The following RPS6KA6 variants were observed in gnomAD, a reference collection of about 807,000 sequenced individuals.
The protein encoded by RPS6KA6 is ribosomal protein S6 kinase alpha-6.
Under a neutral mutation model 65.4 loss-of-function variants are expected in RPS6KA6, and 27 were observed. The observed-to-expected ratio is 0.41, with a 90% confidence interval of 0.30 to 0.57. The LOEUF (loss-of-function observed/expected upper bound fraction) is 0.57. Among genes scored for constraint, RPS6KA6 ranks in the 20% least tolerant of loss-of-function variants. The pLI is 0.24. For missense variants in RPS6KA6, 486 were observed against 555.6 expected, an observed-to-expected ratio of 0.87 and a Z score of 1.26; for synonymous variants, 190 against 184.2, an observed-to-expected ratio of 1.03 and a Z score of -0.26.
chrX:84,148,889 T>C (rs1163346626), intron 3 of RPS6KA6, among the ~76,000 whole-genome samples: 2 of 111,183 alleles, frequency 1.8e-5, no homozygotes, highest in African/African-American at 6.5e-5. Flanking sequence ...ATGAAGTTTG[T>C]TGCACAGATT....
At chrX:84,176,618 C>T (rs535355424) in intron 1 of RPS6KA6, among the ~76,000 whole-genome samples, 3 of 111,680 alleles carry the variant, frequency 2.7e-5, no homozygotes, top group African/African-American at 6.5e-5. Flanking sequence ...AATTGTGTTA[C>T]TTCTCAAAAT....
At chrX:84,182,227 A>T (rs1373077794) in intron 1 of RPS6KA6, among the ~76,000 whole-genome samples, 1 of 111,117 alleles carries the variant, frequency 9.0e-6, no homozygotes, top group Non-Finnish European at 1.9e-5. Flanking sequence ...GATTTAGCTC[A>T]GCTCTCTAAA....
Position 84,121,819 on chromosome X carries a change from T to C in RPS6KA6, c.647-1792A>G, listed in dbSNP as rs181789431. Among the ~76,000 whole-genome samples the C allele has an allele frequency of 1.1e-4, 12 of 112,530 alleles. 1 individual carries two copies. Among genetic ancestry groups the C allele is most frequent in the Admixed American group, 7.5e-4 (8 of 10,668 alleles). On this transcript the variant is annotated intron_variant, in intron 8 of 21. Coordinates refer to ENST00000262752, the MANE Select transcript of RPS6KA6 (RefSeq NM_014496.5). Reference sequence around the variant, plus strand: ...TTTACAAAAAAGAAAATAGAAATTCTTTGTGATCTTGGGTTAGACAAGGAT... The same window carrying C: ...TTTACAAAAAAGAAAATAGAAATTCCTTGTGATCTTGGGTTAGACAAGGAT...
At chrX:84,086,406 A>G (rs776358223) in intron 20 of RPS6KA6, among the ~76,000 whole-genome samples, 1 of 111,828 alleles carries the variant, frequency 8.9e-6, no homozygotes, top group Non-Finnish European at 1.9e-5. Context: ...CCTTAATTTC[A>G]TTATTTATCC....
intron 1 of RPS6KA6, among the ~76,000 whole-genome samples, chrX:84,174,330 T>C (rs191855348): frequency 4.4e-4 from 49 of 112,131 alleles, no homozygotes; most frequent in African/African-American, 1.4e-3. Flanking sequence ...AATATTCTTG[T>C]AGTTTGTACC....
intron 20 of RPS6KA6, among the ~76,000 whole-genome samples, chrX:84,073,637 G>A (rs1300489865): frequency 9.0e-6 from 1 of 110,553 alleles, no homozygotes; most frequent in African/African-American, 3.3e-5. Flanking sequence ...TCTGAAAAGG[G>A]ATTAATATCC....
chrX:84,151,009 A>C (rs1375359428), intron 3 of RPS6KA6, among the ~76,000 whole-genome samples: 2 of 59,106 alleles, frequency 3.4e-5, no homozygotes, highest in Non-Finnish European at 7.7e-5. Context: ...TATAGAGAGG[A>C]TATATAGAGA....
intron 8 of RPS6KA6, among the ~76,000 whole-genome samples, chrX:84,123,550 A>T (rs751003631): frequency 1.8e-5 from 2 of 112,583 alleles, no homozygotes; most frequent in African/African-American, 3.2e-5. Context: ...GGCCTGGCAG[A>T]ACCCCTGCTA....
chrX:84,179,748 T>G (rs752707696), intron 1 of RPS6KA6, among the ~76,000 whole-genome samples: 1 of 111,738 alleles, frequency 8.9e-6, no homozygotes, highest in Non-Finnish European at 1.9e-5. Context: ...TCTCCATCTG[T>G]AAAATAAAGT....
intron 20 of RPS6KA6, among the ~76,000 whole-genome samples, chrX:84,074,982 C>T (rs963948123): frequency 1.8e-5 from 2 of 111,981 alleles, no homozygotes; most frequent in Non-Finnish European, 3.8e-5. Flanking sequence ...CGCCTGTAAT[C>T]GCAGCACTTT....
At chrX:84,085,401 ATGAAG>A (rs776326021) in intron 20 of RPS6KA6, among the ~76,000 whole-genome samples, 1 of 111,855 alleles carries the variant, frequency 8.9e-6, no homozygotes, top group Non-Finnish European at 1.9e-5. Flanking sequence ...CATTTTTAAC[ATGAAG>A]TGATGTTGAA....
chrX:84,131,156 C>T (rs910822875), intron 8 of RPS6KA6, among the ~76,000 whole-genome samples: 3 of 110,955 alleles, frequency 2.7e-5, no homozygotes, highest in Non-Finnish European at 5.7e-5. Flanking sequence ...CGGGATAGTC[C>T]CAACACCAAA....
chrX:84,174,655 T>C (rs1383545366), intron 1 of RPS6KA6, among the ~76,000 whole-genome samples: 1 of 111,973 alleles, frequency 8.9e-6, no homozygotes, highest in Admixed American at 9.5e-5. Flanking sequence ...CTTTTGAATG[T>C]CAACTCATCT....
At chrX:84,074,485 T>C (rs1239380301) in intron 20 of RPS6KA6, among the ~76,000 whole-genome samples, 1 of 111,621 alleles carries the variant, frequency 9.0e-6, no homozygotes, top group Non-Finnish European at 1.9e-5. Context: ...TACTGTATTA[T>C]ACATTTCAAA....
intron 19 of RPS6KA6, 109 bp from the exon 20 acceptor site, chrX:84,096,420 T>C: frequency 2.8e-6 from 1 of 354,447 alleles, no homozygotes; most frequent in Non-Finnish European, 4.9e-6. Context: ...AATAAGAATA[T>C]CATCTCATAT....
chrX:84,114,119 T>C (rs911352922), intron 12 of RPS6KA6, among the ~76,000 whole-genome samples: 1 of 111,236 alleles, frequency 9.0e-6, no homozygotes, highest in Admixed American at 9.6e-5. Flanking sequence ...AAAACACAGA[T>C]GAAAGAAACT....
chrX:84,068,739 C>T (rs2033461019), intron 20 of RPS6KA6, among the ~76,000 whole-genome samples: 1 of 111,756 alleles, frequency 8.9e-6, no homozygotes, highest in Non-Finnish European at 1.9e-5. Context: ...GATACAAAAC[C>T]AATGTGCAAA....
chrX:84,099,568 A>G (rs1180085393), intron 18 of RPS6KA6, among the ~76,000 whole-genome samples: 1 of 111,031 alleles, frequency 9.0e-6, no homozygotes, highest in Non-Finnish European at 1.9e-5. Context: ...CCAGAGAAAG[A>G]GCAAAGGAGA....
intron 6 of RPS6KA6, 62 bp from the exon 7 acceptor site, chrX:84,135,272 ACTT>A: frequency 2.6e-6 from 2 of 773,809 alleles, no homozygotes. Context: ...ATTTAAAAAT[ACTT>A]CTTTCAAAAT....
Sources: allele counts gnomAD v4.1 joint callset (sites outside exome capture counted in the v4.1 genomes callset), GRCh38; gene constraint gnomAD v4.1.1; transcripts MANE v1.5; gene names NCBI Gene and HGNC (gene_info 2026-07-23, HGNC 2026-07-21).